The following AK5 variants were observed in gnomAD, a reference collection of about 807,000 sequenced individuals.
AK5 encodes the protein adenylate kinase isoenzyme 5.
In AK5, 27 loss-of-function variants were observed where a neutral mutation model predicts 69.5. That is an observed-to-expected ratio of 0.39 (90% CI 0.29 to 0.54). The LOEUF is 0.54. Ranked by LOEUF, AK5 falls within the 20% of genes least tolerant of loss-of-function variation. AK5 has a pLI of 0.71. For synonymous variants in AK5, 260 were observed against 244.4 expected, an observed-to-expected ratio of 1.06 and a Z score of -0.60; for missense variants, 531 against 700.4, an observed-to-expected ratio of 0.76 and a Z score of 2.73.
intron 5 of AK5, among the ~76,000 whole-genome samples, chr1:77,322,412 G>A (rs1203399024): frequency 6.6e-6 from 1 of 152,088 alleles, no homozygotes; most frequent in Non-Finnish European, 1.5e-5. Context: ...CTGGCTTCAG[G>A]TGACTGGTGG....
At chr1:77,440,050 T>C (rs1652226095) in intron 8 of AK5, among the ~76,000 whole-genome samples, 1 of 152,210 alleles carries the variant, frequency 6.6e-6, no homozygotes, top group African/African-American at 2.4e-5. Flanking sequence ...TCTTTCTCTT[T>C]GGTGTATCTA....
chr1:77,533,088 A>G (rs1658739476), intron 12 of AK5, among the ~76,000 whole-genome samples: 2 of 152,232 alleles, frequency 1.3e-5, no homozygotes, highest in Non-Finnish European at 2.9e-5. Flanking sequence ...ATAGCTTTTT[A>G]TATAGGAAGA....
intron 8 of AK5, among the ~76,000 whole-genome samples, chr1:77,461,497 C>T (rs895062151): frequency 6.6e-6 from 1 of 151,604 alleles, no homozygotes; most frequent in Non-Finnish European, 1.5e-5. Context: ...TGTGGCCGGG[C>T]ACGGTGGCTT....
At position 77,535,960 on chromosome 1, in the gene AK5, C is replaced by T. The variant is rs1801656; in HGVS notation, c.1542C>T (p.Ile514=). 5.6e-6 allele frequency: 9 copies of T among 1,614,082 alleles called. No homozygotes were observed. The highest frequency in any genetic ancestry group is 1.6e-4 in the Middle Eastern group (1 of 6,062). ...CTGTGGACGACACCACCAAGACCAT[C>T]GCCAAGCGCCTAGAAGCCTACTACC... The part of the protein sequence containing the change: ...SLPVDDTTKT[I]AKRLEAYYRA... Residue 514 remains isoleucine, a synonymous_variant, in exon 13 of 14, where the codon ATC becomes ATT. Coordinates refer to ENST00000354567, the MANE Select transcript of AK5 (RefSeq NM_174858.3).
chr1:77,367,555 T>TATATATATATA lies in AK5; in HGVS notation c.891+26987_891+26988insATATATATATA, dbSNP rs1553139660. On this transcript the variant is annotated intron_variant, in intron 6 of 13. Transcript: ENST00000354567. ...TGTTGCCCAGACTCATTTATGTTATTTTTATATATATATATATATATATAA... is the reference window on the plus strand; with the variant it reads ...TGTTGCCCAGACTCATTTATGTTATTATATATATATATTTATATATATATATATATATATAA... Among the ~76,000 whole-genome samples the TATATATATATA allele has an allele frequency of 1.8e-3, 104 of 59,298 alleles. 12 individuals are homozygous for TATATATATATA. The highest frequency in any genetic ancestry group is 8.4e-3 in the African/African-American group (91 of 10,830). 38.9% of individuals were successfully genotyped at this position (59,298 alleles called of 152,430 possible).
At chr1:77,391,772 A>G (rs1028526613) in intron 6 of AK5, among the ~76,000 whole-genome samples, 2 of 152,046 alleles carry the variant, frequency 1.3e-5, no homozygotes, top group Admixed American at 6.6e-5. Context: ...ACTGAGATGG[A>G]TGTTTTCCAG....
chr1:77,420,230 C>G (rs564499270), intron 8 of AK5: 1 of 151,754 alleles, frequency 6.6e-6, no homozygotes, highest in Non-Finnish European at 1.5e-5. Flanking sequence ...AATGGTATGC[C>G]CTCATTAAAG....
intron 6 of AK5, among the ~76,000 whole-genome samples, chr1:77,353,886 G>A (rs1305827956): frequency 6.6e-6 from 1 of 152,222 alleles, no homozygotes; most frequent in Non-Finnish European, 1.5e-5. Context: ...GAGGAAAGGA[G>A]ATCAGTGAGT....
intron 6 of AK5, among the ~76,000 whole-genome samples, chr1:77,368,254 A>ATATATATGTTATATATAT (rs1647047659): frequency 5.5e-5 from 2 of 36,628 alleles, no homozygotes; most frequent in South Asian, 3.5e-3. Flanking sequence ...TATATATATA[A>ATATATATGTTATATATAT]TATATATGTT....
At chr1:77,445,162 G>T (rs1322308547) in intron 8 of AK5, among the ~76,000 whole-genome samples, 6 of 152,152 alleles carry the variant, frequency 3.9e-5, no homozygotes, top group African/African-American at 1.4e-4. Flanking sequence ...AGAGATTGCT[G>T]CATCATATGG....
intron 12 of AK5, among the ~76,000 whole-genome samples, chr1:77,533,661 T>C (rs1658796277): frequency 6.6e-6 from 1 of 152,140 alleles, no homozygotes; most frequent in African/African-American, 2.4e-5. Context: ...AAGCTACCTC[T>C]CTGCCCCGTG....
chr1:77,448,824 C>T (rs1437500429), intron 8 of AK5, among the ~76,000 whole-genome samples: 1 of 152,204 alleles, frequency 6.6e-6, no homozygotes, highest in Non-Finnish European at 1.5e-5. Context: ...TCTGTGGTTC[C>T]AGTGTCTCCG....
chr1:77,512,912 T>C (rs1657432206), intron 10 of AK5, among the ~76,000 whole-genome samples: 1 of 152,156 alleles, frequency 6.6e-6, no homozygotes, highest in Non-Finnish European at 1.5e-5. Context: ...TTGACAGAGC[T>C]TGGCAACTGA....
At chr1:77,501,166 A>C (rs1656695867) in intron 10 of AK5, among the ~76,000 whole-genome samples, 1 of 152,208 alleles carries the variant, frequency 6.6e-6, no homozygotes, top group African/African-American at 2.4e-5. Context: ...AGTTAGGAGC[A>C]AATCACAGCA....
At chr1:77,542,696 C>G (rs996861546) in intron 13 of AK5, among the ~76,000 whole-genome samples, 5 of 152,170 alleles carry the variant, frequency 3.3e-5, no homozygotes, top group Admixed American at 6.5e-5. Context: ...AAATTTAAGA[C>G]TATAAAGGTA....
rs551778064 is a variant in AK5, at chr1:77,346,280, A to G, written c.891+5712A>G. On this transcript the variant is annotated intron_variant, in intron 6 of 13. Transcript: ENST00000354567. ...CATCAGACACTCCTAGCCACAGGAA[A>G]AATAAGTAGGAATAGTAAAAGTTAA... is the stretch of plus-strand genomic sequence containing the variant. 2.6e-5 allele frequency: 4 copies of G among 152,310 alleles called. No individual in the cohort carries two copies. In the South Asian group the frequency reaches 8.3e-4, roughly 32 times the overall value. The allele number at this position is 152,310 out of a possible 1,614,324, so 9.4% of individuals were successfully genotyped here.
chr1:77,439,594 C>G (rs775925330), intron 8 of AK5, among the ~76,000 whole-genome samples: 7 of 152,202 alleles, frequency 4.6e-5, no homozygotes, highest in Admixed American at 1.3e-4. Flanking sequence ...ACATTTAACT[C>G]TCTGCCTCCA....
In AK5 at chr1:77,298,827, C is replaced by A. The variant is rs116121814; in HGVS notation, c.699+880C>A. Among the ~76,000 whole-genome samples the A allele has an allele frequency of 2.2e-3, 336 of 152,134 alleles. 1 individual carries two copies. The highest frequency in any genetic ancestry group is 3.7e-3 in the Non-Finnish European group (250 of 67,996). ...CTTCAGCCTGGGTGACACAGCAAGA[C>A]CCTGCTTCAAAAAAATTTTCTTTTA... On this transcript the variant is annotated intron_variant, in intron 5 of 13. Coordinates refer to ENST00000354567, the MANE Select transcript of AK5 (RefSeq NM_174858.3).
At chr1:77,327,758 G>A (rs1023607875) in intron 5 of AK5, among the ~76,000 whole-genome samples, 1 of 152,080 alleles carries the variant, frequency 6.6e-6, no homozygotes, top group Non-Finnish European at 1.5e-5. Context: ...CCTAGTGTTA[G>A]CACTTATGGT....
Sources: allele counts gnomAD v4.1 joint callset (sites outside exome capture counted in the v4.1 genomes callset), GRCh38; gene constraint gnomAD v4.1.1; transcripts MANE v1.5; gene names NCBI Gene and HGNC (gene_info 2026-07-23, HGNC 2026-07-21).